CDKL3: variants seen among roughly 807,000 people sequenced by gnomAD.
CDKL3 encodes the protein cyclin-dependent kinase-like 3.
CDKL3 carries 65 observed loss-of-function variants against 69.3 expected under a neutral mutation model. That is an observed-to-expected ratio of 0.94 (90% confidence interval 0.77 to 1.15). The LOEUF (loss-of-function observed/expected upper bound fraction) is 1.15. CDKL3 is among the 50% of genes most tolerant of loss of function. The pLI, the probability that CDKL3 is intolerant of heterozygous loss-of-function variation, is 0.00. For missense variants in CDKL3, 652 were observed against 689.2 expected, an observed-to-expected ratio of 0.95 and a Z score of 0.61; for synonymous variants, 202 against 221.6, an observed-to-expected ratio of 0.91 and a Z score of 0.79.
chr5:134,366,247 TTG>T, intron 2 of CDKL3, 110 bp downstream of exon 2: 1 of 710,430 alleles, frequency 1.4e-6, no homozygotes, highest in Admixed American at 3.3e-5. Context: ...AGTATTACAC[TTG>T]TTTCTCCATA....
intron 4 of CDKL3, among the ~76,000 whole-genome samples, chr5:134,330,754 G>A (rs767401159): frequency 1.1e-3 from 162 of 152,148 alleles, no homozygotes; most frequent in Non-Finnish European, 2.8e-4. Flanking sequence ...TAACTTTCTC[G>A]AAACATTCTC....
upstream of CDKL3, among the ~76,000 whole-genome samples, chr5:134,367,664 G>A (rs981629125): frequency 2.0e-5 from 3 of 152,118 alleles, no homozygotes; most frequent in African/African-American, 4.8e-5. Flanking sequence ...GTAAGCCACC[G>A]CCCCCGGTCA....
At chr5:134,333,305 A>C (rs1034119055) in intron 4 of CDKL3, among the ~76,000 whole-genome samples, 2 of 152,068 alleles carry the variant, frequency 1.3e-5, no homozygotes, top group African/African-American at 4.8e-5. Flanking sequence ...AATACCCTTT[A>C]TTTCTTTCTC....
chr5:134,307,495 C>G (rs922554837), intron 9 of CDKL3, among the ~76,000 whole-genome samples: 3 of 152,178 alleles, frequency 2.0e-5, no homozygotes, highest in African/African-American at 7.2e-5. Flanking sequence ...GTGGCCCAAA[C>G]CAGTCTGCTA....
rs1049188663 is a variant in CDKL3, at chr5:134,360,044, C to T, written c.213G>A (p.Gln71=). 4.5e-6 allele frequency: 7 copies of T among 1,551,898 alleles called. No homozygotes were observed. In the African/African-American group the frequency reaches 9.5e-5, roughly 21 times the overall value. The change falls in exon 3 of 13, where the codon CAG becomes CAA. Residue 71 remains glutamine (Q), a synonymous_variant. Transcript: ENST00000265334. ...NLVNLIEVFR[Q]KKKIHLVFEF... is the part of the protein sequence containing the mutation. Reference sequence around the variant, plus strand: ...CAAATACCAAATGAATTTTCTTTTTCTGTCTAAAAACTTCAATCAGATTGA... The same window carrying T: ...CAAATACCAAATGAATTTTCTTTTTTTGTCTAAAAACTTCAATCAGATTGA...
rs1314926638 is a variant in CDKL3 at position 134,298,517 on chromosome 5, C to CA, written c.*133dup. 1.5e-5 allele frequency: 21 copies of CA among 1,436,514 alleles called. No individual in the cohort carries two copies. In the Admixed American group the frequency reaches 1.9e-4, roughly 13 times the overall value. 89.0% of individuals were successfully genotyped at this position (1,436,514 alleles called of 1,614,324 possible). A position where few individuals can be genotyped will look rare whatever the true frequency, so the allele number is the denominator to read the frequency against. The stretch of plus-strand genomic sequence containing the variant: ...AAGAAAACAGTAAATGTTTTGCTAA[C>CA]AAAAAAAGCTGGATGATGCTCATGC... On this transcript the variant is annotated 3_prime_UTR_variant, in exon 13 of 13. Transcript: ENST00000265334.
chr5:134,308,564 A>T lies in CDKL3; in HGVS notation c.1035+10T>A. 1 of 1,569,574 alleles carries T rather than the reference A, an allele frequency of 6.4e-7. No homozygotes were observed. Among genetic ancestry groups the T allele is most frequent in the South Asian group, 1.2e-5 (1 of 82,426 alleles). On this transcript the variant is annotated intron_variant, in intron 8 of 12. Transcript: ENST00000265334. ...ATTATACTGGCTGAAACAAAAACCA[A>T]AGTTCTTACCTTTCCCAAAACTGAA... is the stretch of plus-strand genomic sequence containing the variant.
At chr5:134,344,482 T>A (rs561630600) in intron 4 of CDKL3, among the ~76,000 whole-genome samples, 40 of 151,958 alleles carry the variant, frequency 2.6e-4, no homozygotes, top group Non-Finnish European at 5.6e-4. Context: ...AGGCAAAGGA[T>A]CTGAACAGAC....
rs557213911 is a variant in CDKL3, at chr5:134,302,674, T to C, written c.1635A>G (p.Lys545=). ...DTKGMEVKQI[K]MLKRESKKTE... is the part of the protein sequence containing the mutation. ...TTTTCTTTGACTCCCTCTTCAGCAT[T>C]TTTATCTGTTTAACTTTTGCAAAAA... Residue 545 remains lysine (K), a synonymous_variant, in exon 12 of 13, where the codon AAA becomes AAG. Transcript: ENST00000265334. The C allele has an allele frequency of 4.4e-6, 7 of 1,587,640 alleles. No homozygotes were observed. In the South Asian group the frequency reaches 8.0e-5, roughly 18 times the overall value.
intron 3 of CDKL3, among the ~76,000 whole-genome samples, chr5:134,350,860 A>G (rs1393219482): frequency 6.6e-6 from 1 of 151,720 alleles, no homozygotes; most frequent in Non-Finnish European, 1.5e-5. Context: ...AAAGAAAGAA[A>G]AAAGAAAGAA....
intron 4 of CDKL3, among the ~76,000 whole-genome samples, chr5:134,331,771 A>G (rs533546138): frequency 1.3e-5 from 2 of 152,342 alleles, no homozygotes; most frequent in South Asian, 4.1e-4. Flanking sequence ...ATACGTGTGC[A>G]TGTGTCTTTA....
intron 6 of CDKL3, chr5:134,319,132 C>G (rs1772011827): frequency 6.4e-6 from 2 of 314,152 alleles, no homozygotes; most frequent in African/African-American, 4.4e-5. Context: ...AGCAGCCTGG[C>G]CAACCACAGC....
intron 9 of CDKL3, among the ~76,000 whole-genome samples, chr5:134,307,464 G>A (rs1464651006): frequency 1.3e-5 from 2 of 152,172 alleles, no homozygotes; most frequent in Non-Finnish European, 2.9e-5. Context: ...CACCTCTGCA[G>A]ACCACTGGGC....
chr5:134,363,957 T>TAAA (rs1206131261), intron 2 of CDKL3, among the ~76,000 whole-genome samples: 7 of 96,422 alleles, frequency 7.3e-5, no homozygotes, highest in Non-Finnish European at 1.0e-4. Flanking sequence ...CTCCATTTCT[T>TAAA]AAAAAAAAAA....
At chr5:134,366,898 G>T in intron 1 of CDKL3, 79 bp downstream of exon 1, 1 of 1,000,260 alleles carries the variant, frequency 1.0e-6, no homozygotes, top group African/African-American at 1.7e-5. Context: ...TACTGCAGTC[G>T]CCCACTTATC....
At chr5:134,360,628 A>G (rs544814990) in intron 2 of CDKL3, among the ~76,000 whole-genome samples, 3 of 152,168 alleles carry the variant, frequency 2.0e-5, no homozygotes, top group Non-Finnish European at 2.9e-5. Flanking sequence ...CTTTATCTCA[A>G]GTTGGCATTT....
At chr5:134,363,922 C>A (rs1288116996) in intron 2 of CDKL3, among the ~76,000 whole-genome samples, 1 of 141,102 alleles carries the variant, frequency 7.1e-6, no homozygotes, top group Non-Finnish European at 1.5e-5. Flanking sequence ...CATGCCACTG[C>A]GCTGCAGCCT....
In CDKL3 at chr5:134,321,919, GA is replaced by G. The variant is rs34094285; in HGVS notation, c.540-17del. On this transcript the variant is annotated splice_polypyrimidine_tract_variant and intron_variant, in intron 4 of 12. Transcript: ENST00000265334. ...ATCCACAGGTCTGAAACAGATCAGG[GA>G]AAAAAAAATCACTTTTTCATGTAGA... 59 of 1,222,040 alleles carry G rather than the reference GA, an allele frequency of 4.8e-5. No individual in the cohort carries two copies. Among genetic ancestry groups the G allele is most frequent in the Admixed American group, 2.2e-4 (10 of 46,310 alleles). The allele number at this position is 1,222,040 out of a possible 1,614,324, so 75.7% of individuals were successfully genotyped here.
chr5:134,345,608 A>G (rs1751665983), intron 4 of CDKL3, among the ~76,000 whole-genome samples: 3 of 152,098 alleles, frequency 2.0e-5, no homozygotes, highest in African/African-American at 7.2e-5. Context: ...TGATTTGGGT[A>G]GGTAGTGGAA....
Sources: gnomAD v4.1 joint callset for allele counts (sites outside exome capture counted in the v4.1 genomes callset) on GRCh38, gnomAD v4.1.1 for gene constraint, MANE v1.5 for transcripts, NCBI Gene and HGNC (gene_info 2026-07-23, HGNC 2026-07-21) for gene names.